The following ACTR5 variants were observed in gnomAD, a reference collection of about 807,000 sequenced individuals.
ACTR5 encodes the protein actin-related protein 5.
ACTR5 carries 43 observed loss-of-function variants against 61.2 expected under a neutral mutation model. The observed-to-expected ratio is 0.70, with a 90% CI of 0.55 to 0.91. The LOEUF is 0.91. Ranked by LOEUF, ACTR5 falls within the 40% of genes least tolerant of loss-of-function variation. The probability of loss-of-function intolerance (pLI) is 0.00; values close to 1 mark genes in which losing one functional copy is unlikely to be tolerated. For missense variants in ACTR5, 798 were observed against 782.2 expected (o/e 1.02, Z -0.24); for synonymous variants, 333 against 310.5 (o/e 1.07, Z -0.76).
intron 8 of ACTR5, among the ~76,000 whole-genome samples, chr20:38,770,721 G>A (rs753409552): frequency 2.5e-4 from 38 of 152,162 alleles, no homozygotes; most frequent in Non-Finnish European, 4.6e-4. Flanking sequence ...GGGGCCTCTG[G>A]TTATCCTAGT....
chr20:38,757,530 A>C (rs2084427620), intron 5 of ACTR5, among the ~76,000 whole-genome samples: 1 of 151,722 alleles, frequency 6.6e-6, no homozygotes, highest in African/African-American at 2.4e-5. Flanking sequence ...TTGATTACTT[A>C]TCCTTTCAGA....
At chr20:38,767,282 T>C (rs2084492208) in intron 7 of ACTR5, among the ~76,000 whole-genome samples, 182 bp from the exon 8 acceptor site, 1 of 152,216 alleles carries the variant, frequency 6.6e-6, no homozygotes, top group Non-Finnish European at 1.5e-5. Context: ...TCTGGCTGTT[T>C]GGAAACATTG....
rs150846166 is a variant in ACTR5, at chr20:38,748,949, C to T, written c.375+96C>T. ...GCTCTCGGAGAGGTAACAGTCACTT[C>T]AGTAGCTCCGATTGTCTTTTAGTCG... On this transcript the variant is annotated intron_variant, in intron 1 of 8. Coordinates refer to ENST00000243903, the MANE Select transcript of ACTR5 (RefSeq NM_024855.4). The T allele has an allele frequency of 7.0e-6, 10 of 1,423,514 alleles. No individual in the cohort carries two copies. The African/African-American group carries it at 1.3e-4, about 19-fold the overall frequency. The allele number at this position is 1,423,514 out of a possible 1,614,324, so 88.2% of individuals were successfully genotyped here.
intron 5 of ACTR5, among the ~76,000 whole-genome samples, chr20:38,764,212 C>T (rs950470341): frequency 1.3e-5 from 2 of 152,140 alleles, no homozygotes; most frequent in African/African-American, 4.8e-5. Context: ...TAAGGAGAGA[C>T]TCAGAATGCA....
At chr20:38,764,605 G>C (rs2244925) in intron 5 of ACTR5, among the ~76,000 whole-genome samples, 62,427 of 152,072 alleles carry the variant, frequency 0.41, 12,860 homozygotes, top group Middle Eastern at 0.49. Flanking sequence ...GCCTCTAGTC[G>C]CATTCCCAGC....
intron 5 of ACTR5, among the ~76,000 whole-genome samples, chr20:38,762,202 A>G (rs570065337): frequency 6.6e-6 from 1 of 152,278 alleles, no homozygotes; most frequent in Admixed American, 6.5e-5. Context: ...CTGGGCTGGG[A>G]GGACTCAAGG....
intron 3 of ACTR5, among the ~76,000 whole-genome samples, chr20:38,754,082 AT>A (rs1452393193): frequency 6.6e-6 from 1 of 151,874 alleles, no homozygotes; most frequent in African/African-American, 2.4e-5. Context: ...AAGTTGTCTT[AT>A]TTATTTCATC....
At chr20:38,761,757 G>C (rs1320853841) in intron 5 of ACTR5, 2 of 153,800 alleles carry the variant, frequency 1.3e-5, no homozygotes, top group Non-Finnish European at 1.5e-5. Context: ...CTCCAAACAA[G>C]CGCTCAAGGA....
intron 3 of ACTR5, among the ~76,000 whole-genome samples, chr20:38,753,726 C>G (rs1601194804): frequency 1.3e-5 from 2 of 152,126 alleles, no homozygotes; most frequent in Non-Finnish European, 2.9e-5. Context: ...CAGTCAACCT[C>G]TATTTAATTG....
chr20:38,767,577 C>G lies in ACTR5; in HGVS notation c.1547C>G (p.Pro516Arg). Residue 516 changes from proline to arginine, a missense_variant, in exon 8 of 9, where the codon CCC becomes CGC. By Grantham distance (103) the Pro-to-Arg change is moderately radical. Coordinates refer to ENST00000243903, the MANE Select transcript of ACTR5 (RefSeq NM_024855.4). Reference sequence around the variant, plus strand: ...GAGAAGGAACTGTTGGAGATGAGACCCTTCCGGTCTTCTTTTCAGGTACTG... The same window carrying G: ...GAGAAGGAACTGTTGGAGATGAGACGCTTCCGGTCTTCTTTTCAGGTACTG... ...RMEKELLEMR[P>R]FRSSFQVQLA... is the part of the protein sequence containing the mutation. 1 of 1,613,204 alleles carries G rather than the reference C, an allele frequency of 6.2e-7. No homozygotes were observed. Among genetic ancestry groups the G allele is most frequent in the Non-Finnish European group, 8.5e-7 (1 of 1,179,542 alleles).
chr20:38,767,335 GATT>G, intron 7 of ACTR5, 126 bp from the exon 8 acceptor site: 2 of 810,760 alleles, frequency 2.5e-6, no homozygotes, highest in Non-Finnish European at 3.5e-6. Context: ...TGAAAGTTTT[GATT>G]TTTTTTTTTT....
At position 38,772,165 on chromosome 20, in the gene ACTR5, G is replaced by T; in HGVS notation, c.*349G>T. On this transcript the variant is annotated 3_prime_UTR_variant, in exon 9 of 9. Coordinates refer to ENST00000243903, the MANE Select transcript of ACTR5 (RefSeq NM_024855.4). Reference sequence around the variant, plus strand: ...TTCTTACCACATTTTAGTCTTTCTTGTTTTAAAAAAAATTCTTTAAAATTT... The same window carrying T: ...TTCTTACCACATTTTAGTCTTTCTTTTTTTAAAAAAAATTCTTTAAAATTT... 1 of 239,362 alleles carries T rather than the reference G, an allele frequency of 4.2e-6. No individual in the cohort carries two copies. Among genetic ancestry groups the T allele is most frequent in the Non-Finnish European group, 8.2e-6 (1 of 122,426 alleles). 14.8% of individuals were successfully genotyped at this position (239,362 alleles called of 1,614,324 possible).
intron 5 of ACTR5, among the ~76,000 whole-genome samples, chr20:38,764,183 A>G (rs1376241193): frequency 6.6e-6 from 1 of 152,204 alleles, no homozygotes; most frequent in Non-Finnish European, 1.5e-5. Context: ...TGATTTACAT[A>G]CTTCATAAAT....
rs766497395 is a variant in ACTR5 at position 38,765,428 on chromosome 20, G to A, written c.1203G>A (p.Pro401=). The A allele has an allele frequency of 1.5e-5, 25 of 1,614,024 alleles. No homozygotes were observed. Among genetic ancestry groups the A allele is most frequent in the Non-Finnish European group, 1.9e-5 (22 of 1,180,018 alleles). Residue 401 remains proline, a synonymous_variant, in exon 6 of 9, where the codon CCG becomes CCA. Transcript: ENST00000243903. The part of the protein sequence containing the change: ...PETPDLEQLE[P]SLEDVESMND... ...CCCCTGACCTGGAGCAGCTGGAGCC[G>A]TCTTTGGAAGATGTGGAAAGCATGA...
intron 5 of ACTR5, among the ~76,000 whole-genome samples, chr20:38,759,455 C>T (rs1488029099): frequency 2.6e-5 from 4 of 152,224 alleles, no homozygotes; most frequent in Non-Finnish European, 4.4e-5. Context: ...AGCTTTGTTC[C>T]TCTCTGCGAC....
At chr20:38,749,865 G>A (rs2254245) in intron 1 of ACTR5, 145 bp from the exon 2 acceptor site, 264,393 of 631,076 alleles carry the variant, frequency 0.42, 55,798 homozygotes, top group Middle Eastern at 0.46. Context: ...AGATGAGATG[G>A]GAGTTTTATA....
At chr20:38,753,908 G>A (rs1184052889) in intron 3 of ACTR5, among the ~76,000 whole-genome samples, 1 of 95,586 alleles carries the variant, frequency 1.0e-5, no homozygotes, top group Non-Finnish European at 2.2e-5. Context: ...TTTATCTGTT[G>A]TGTTTTTTAC....
chr20:38,750,056 C>T lies in ACTR5; in HGVS notation c.422C>T (p.Pro141Leu). ...PIVLTEAVCNPLYSRQMMSEL... is the reference protein window; with the variant it reads ...PIVLTEAVCNLLYSRQMMSEL... ...GTTTTGACAGAAGCTGTGTGCAACC[C>T]ACTGTATTCACGGCAAATGATGTCT... The change falls in exon 2 of 9, where the codon CCA (proline) becomes CTA (leucine). Residue 141 changes from proline (P) to leucine (L), a missense_variant. Physicochemically the swap from Pro to Leu is moderately conservative, Grantham distance 98. Transcript: ENST00000243903. 6.2e-7 allele frequency: 1 copy of T among 1,614,190 alleles called. No individual in the cohort carries two copies. The highest frequency in any genetic ancestry group is 8.5e-7 in the Non-Finnish European group (1 of 1,180,040).
intron 7 of ACTR5, 77 bp downstream of exon 7, chr20:38,766,454 T>C: frequency 6.7e-7 from 1 of 1,492,978 alleles, no homozygotes; most frequent in Non-Finnish European, 9.0e-7. Context: ...GTAGATTTGA[T>C]GGTCAGGCAC....
Sources: gnomAD v4.1 joint callset for allele counts (sites outside exome capture counted in the v4.1 genomes callset) on GRCh38, gnomAD v4.1.1 for gene constraint, MANE v1.5 for transcripts, NCBI Gene and HGNC (gene_info 2026-07-23, HGNC 2026-07-21) for gene names.